PLBD1: variants seen among roughly 807,000 people sequenced by gnomAD.
PLBD1 encodes lysosomal leucine aminopeptidase.
Under a neutral mutation model 63.0 loss-of-function variants are expected in PLBD1, and 60 were observed. That is an observed-to-expected ratio of 0.95 (90% CI 0.77 to 1.18). The LOEUF is 1.18. Ranked by LOEUF, PLBD1 falls within the 50% of genes most tolerant of loss-of-function variation. The pLI, the probability that PLBD1 is intolerant of heterozygous loss-of-function variation, is 0.00. For synonymous variants in PLBD1, 262 were observed against 248.0 expected (o/e 1.06, Z -0.53); for missense variants, 598 against 677.9 (o/e 0.88, Z 1.31).
At chr12:14,555,808 G>A (rs1048361463) in intron 1 of PLBD1, among the ~76,000 whole-genome samples, 2 of 152,170 alleles carry the variant, frequency 1.3e-5, no homozygotes, top group Non-Finnish European at 2.9e-5. Context: ...CACCTCTGTT[G>A]CAGGGAATGA....
At chr12:14,559,004 T>C (rs980196831) in intron 1 of PLBD1, among the ~76,000 whole-genome samples, 1 of 152,220 alleles carries the variant, frequency 6.6e-6, no homozygotes, top group African/African-American at 2.4e-5. Context: ...CATTCCTCAA[T>C]GTTTTCTCTA....
chr12:14,523,232 TAAG>T (rs148482355), intron 6 of PLBD1, among the ~76,000 whole-genome samples: 1,653 of 151,750 alleles, frequency 0.011, 31 homozygotes, highest in African/African-American at 0.038. Flanking sequence ...CAGAAAAAAA[TAAG>T]AAGGCAATTC....
intron 1 of PLBD1, among the ~76,000 whole-genome samples, chr12:14,559,334 A>ATTAT (rs1169985159): frequency 6.6e-6 from 1 of 152,038 alleles, no homozygotes; most frequent in African/African-American, 2.4e-5. Context: ...TTATTTATTT[A>ATTAT]TTATTTATTT....
chr12:14,534,768 T>G (rs1333227522), intron 6 of PLBD1, among the ~76,000 whole-genome samples: 1 of 152,200 alleles, frequency 6.6e-6, no homozygotes, highest in Non-Finnish European at 1.5e-5. Context: ...GGTCTCAATC[T>G]CCTGACCTCG....
chr12:14,553,978 A>G (rs1217814715), intron 1 of PLBD1: 1 of 159,172 alleles, frequency 6.3e-6, no homozygotes, highest in Non-Finnish European at 1.4e-5. Context: ...TCCAACGCCT[A>G]CTTCTTAATT....
At chr12:14,555,680 C>G (rs1225923503) in intron 1 of PLBD1, among the ~76,000 whole-genome samples, 1 of 152,214 alleles carries the variant, frequency 6.6e-6, no homozygotes, top group Non-Finnish European at 1.5e-5. Context: ...GCTCTCCAAC[C>G]TGCCAGTAAC....
chr12:14,504,891 G>C (rs1365869604), intron 10 of PLBD1, among the ~76,000 whole-genome samples: 1 of 152,138 alleles, frequency 6.6e-6, no homozygotes, highest in East Asian at 1.9e-4. Flanking sequence ...TTTCTGATAA[G>C]AACAATTGCA....
At chr12:14,529,271 A>G (rs1945441183) in intron 6 of PLBD1, among the ~76,000 whole-genome samples, 1 of 152,130 alleles carries the variant, frequency 6.6e-6, no homozygotes, top group Non-Finnish European at 1.5e-5. Context: ...ACTTAGGAGA[A>G]AGAAATAATT....
chr12:14,541,487 T>C (rs1945570413), intron 3 of PLBD1, among the ~76,000 whole-genome samples: 1 of 152,258 alleles, frequency 6.6e-6, no homozygotes, highest in Non-Finnish European at 1.5e-5. Flanking sequence ...TCTGAACTTT[T>C]ATGGGATGAT....
rs766920644 is a variant in PLBD1, at chr12:14,553,399, T to C, written c.129A>G (p.Ala43=). ...TTTCAGCAGGCATCCAGTATGCAGT[T>C]GCATAGTAGACTCCTAGAAGAAAAG... is the stretch of plus-strand genomic sequence containing the variant. ...EPPKPAGVYY[A]TAYWMPAEKT... Residue 43 remains alanine (A), a synonymous_variant, in exon 2 of 11, where the codon GCA becomes GCG. Coordinates refer to ENST00000240617, the MANE Select transcript of PLBD1 (RefSeq NM_024829.6). 66 of 1,613,806 alleles carry C rather than the reference T, an allele frequency of 4.1e-5. No individual in the cohort carries two copies. Among genetic ancestry groups the C allele is most frequent in the Non-Finnish European group, 5.5e-5 (65 of 1,179,808 alleles).
At chr12:14,524,241 G>A (rs1187306045) in intron 6 of PLBD1, among the ~76,000 whole-genome samples, 1 of 152,070 alleles carries the variant, frequency 6.6e-6, no homozygotes, top group Non-Finnish European at 1.5e-5. Flanking sequence ...CTATTGCACA[G>A]TAGGCTTACT....
rs554281102 is a variant in PLBD1, at chr12:14,510,167, G to A, written c.1186+1093C>T. ...GGGCACCACAATTTGGAAGGCCGAC[G>A]CAGACAGATCACCTGAGGTCAGGAG... is the stretch of plus-strand genomic sequence containing the variant. On this transcript the variant is annotated intron_variant, in intron 8 of 10. Transcript: ENST00000240617. 7.2e-5 allele frequency among the ~76,000 whole-genome samples: 11 copies of A among 152,236 alleles called. No individual in the cohort carries two copies. In the East Asian group the frequency reaches 1.5e-3, roughly 21 times the overall value.
At chr12:14,532,492 C>T (rs970192382) in intron 6 of PLBD1, among the ~76,000 whole-genome samples, 1 of 152,314 alleles carries the variant, frequency 6.6e-6, no homozygotes, top group Middle Eastern at 3.4e-3. Flanking sequence ...TATGCTCTGA[C>T]ATGAGAGTCA....
At chr12:14,558,517 T>C (rs1043652050) in intron 1 of PLBD1, among the ~76,000 whole-genome samples, 8 of 152,260 alleles carry the variant, frequency 5.3e-5, no homozygotes, top group Non-Finnish European at 1.0e-4. Flanking sequence ...GGGAGCGTTG[T>C]AGGGAAATGA....
intron 5 of PLBD1, 25 bp downstream of exon 5, chr12:14,536,545 G>C: frequency 6.2e-7 from 1 of 1,611,874 alleles, no homozygotes; most frequent in Non-Finnish European, 8.5e-7. Flanking sequence ...ACCAGAACAA[G>C]GCAAAAGGAG....
At chr12:14,513,075 A>G (rs955833946) in intron 6 of PLBD1, among the ~76,000 whole-genome samples, 5 of 152,182 alleles carry the variant, frequency 3.3e-5, no homozygotes, top group Admixed American at 1.3e-4. Flanking sequence ...CATTTTTGCC[A>G]TATCTGAGTA....
At chr12:14,553,687 G>C (rs1337087314) in intron 1 of PLBD1, 1 of 499,238 alleles carries the variant, frequency 2.0e-6, no homozygotes, top group African/African-American at 1.9e-5. Context: ...ATCCTTAGAG[G>C]GTGGGAATCT....
At chr12:14,526,310 T>C (rs531522161) in intron 6 of PLBD1, among the ~76,000 whole-genome samples, 1 of 152,312 alleles carries the variant, frequency 6.6e-6, no homozygotes, top group Non-Finnish European at 1.5e-5. Context: ...GACATTCCGT[T>C]TGTGCTAACA....
chr12:14,537,102 A>AC (rs1945525342), intron 4 of PLBD1, among the ~76,000 whole-genome samples: 1 of 152,050 alleles, frequency 6.6e-6, no homozygotes, highest in Admixed American at 6.6e-5. Context: ...AAAAAAAAAA[A>AC]AAAAAAAGTT....
Sources: allele counts gnomAD v4.1 joint callset (sites outside exome capture counted in the v4.1 genomes callset), GRCh38; gene constraint gnomAD v4.1.1; transcripts MANE v1.5; gene names NCBI Gene and HGNC (gene_info 2026-07-23, HGNC 2026-07-21).